The following NRXN1 variants were observed in gnomAD, a reference collection of about 807,000 sequenced individuals.
The protein encoded by NRXN1 is neurexin 1, also known as neurexin-1.
In NRXN1, 39 loss-of-function variants were observed where a neutral mutation model predicts 150.9. The ratio of observed to expected loss-of-function variants is 0.26; its 90% CI spans 0.20 to 0.34. The LOEUF (loss-of-function observed/expected upper bound fraction) is 0.34. NRXN1 is among the 10% of genes least tolerant of loss of function. NRXN1 has a pLI of 1.00. For synonymous variants in NRXN1, 924 were observed against 757.0 expected (o/e 1.22, Z -3.62); for missense variants, 1,815 against 1,949.9 (o/e 0.93, Z 1.30).
At chr2:50,094,620 C>T (rs1699983333) in intron 18 of NRXN1, among the ~76,000 whole-genome samples, 1 of 152,072 alleles carries the variant, frequency 6.6e-6, no homozygotes, top group African/African-American at 2.4e-5. Context: ...ATTGATGTAC[C>T]AGGAGCCACT....
chr2:50,160,667 G>C (rs577286830), intron 18 of NRXN1, among the ~76,000 whole-genome samples: 2 of 152,030 alleles, frequency 1.3e-5, no homozygotes, highest in Non-Finnish European at 2.9e-5. Flanking sequence ...CTCAAAAAAA[G>C]ACTCAAGTGG....
intron 5 of NRXN1, among the ~76,000 whole-genome samples, chr2:50,889,238 CCT>C (rs1680701945): frequency 6.6e-6 from 1 of 151,602 alleles, no homozygotes; most frequent in African/African-American, 2.4e-5. Flanking sequence ...TCAAATGTGC[CCT>C]CTTTCTTTCT....
chr2:50,415,228 T>A (rs965523682), intron 17 of NRXN1, among the ~76,000 whole-genome samples: 1 of 152,146 alleles, frequency 6.6e-6, no homozygotes, highest in Non-Finnish European at 1.5e-5. Flanking sequence ...GTAGTTCACA[T>A]TAAATACATT....
chr2:50,497,578 T>A lies in NRXN1; in HGVS notation c.2634A>T (p.Ala878=), dbSNP rs200543943. Reference sequence around the variant, plus strand: ...CGCCATTTTTACACAGGTCAATGTATGCCATTCCATTAAATGTCAAGCTCT... The same window carrying A: ...CGCCATTTTTACACAGGTCAATGTAAGCCATTCCATTAAATGTCAAGCTCT... ...HLQSLTFNGM[A]YIDLCKNGDI... Residue 878 remains alanine, a synonymous_variant, in exon 14 of 23, where the codon GCA becomes GCT. Transcript: ENST00000401669. 4 of 1,613,970 alleles carry A rather than the reference T, an allele frequency of 2.5e-6. No homozygotes were observed. The South Asian group carries it at 4.4e-5, about 18-fold the overall frequency.
intron 18 of NRXN1, among the ~76,000 whole-genome samples, chr2:50,221,403 G>A (rs893345487): frequency 2.6e-4 from 39 of 152,034 alleles, no homozygotes; most frequent in African/African-American, 9.2e-4. Context: ...GACAGCCACG[G>A]CATTAACAAA....
intron 15 of NRXN1, among the ~76,000 whole-genome samples, chr2:50,485,772 G>A (rs2090826773): frequency 6.6e-6 from 1 of 152,240 alleles, no homozygotes; most frequent in Non-Finnish European, 1.5e-5. Context: ...TAGCAGAAAA[G>A]CCTTGGATGA....
chr2:50,386,467 T>C (rs1558644443), intron 17 of NRXN1, among the ~76,000 whole-genome samples: 2 of 151,998 alleles, frequency 1.3e-5, no homozygotes, highest in Admixed American at 6.6e-5. Flanking sequence ...GAAGTAGGAA[T>C]TGAGCGGTTG....
Position 50,718,186 on chromosome 2 carries a change from T to A in NRXN1, c.833-94571A>T, listed in dbSNP as rs1015199539. Among the ~76,000 whole-genome samples, 6 of 152,170 alleles carry A rather than the reference T, an allele frequency of 3.9e-5. No individual in the cohort carries two copies. In the South Asian group the frequency reaches 1.2e-3, roughly 32 times the overall value. ...TTGAGCCATGGTTTCAGATAAAAAA[T>A]AGGTTCCTCTCTTTGGGACTTTTAT... is the stretch of plus-strand genomic sequence containing the variant. On this transcript the variant is annotated intron_variant, in intron 5 of 22. Coordinates refer to ENST00000401669, the MANE Select transcript of NRXN1 (RefSeq NM_001330078.2).
chr2:50,155,892 C>T (rs2058989159), intron 18 of NRXN1, among the ~76,000 whole-genome samples: 1 of 151,492 alleles, frequency 6.6e-6, no homozygotes, highest in Non-Finnish European at 1.5e-5. Context: ...AAAAAGTAGA[C>T]ATTTGTAAAT....
At chr2:50,638,297 A>G (rs1683531850) in intron 5 of NRXN1, among the ~76,000 whole-genome samples, 1 of 152,130 alleles carries the variant, frequency 6.6e-6, no homozygotes, top group African/African-American at 2.4e-5. Flanking sequence ...GTTAGTTCCA[A>G]TGACCAGTTT....
chr2:50,553,136 G>C, intron 8 of NRXN1, 111 bp from the exon 9 acceptor site: 1 of 774,202 alleles, frequency 1.3e-6, no homozygotes, highest in Non-Finnish European at 2.1e-6. Context: ...ACGATATTTA[G>C]TTAATTTTGT....
intron 17 of NRXN1, among the ~76,000 whole-genome samples, chr2:50,373,651 AAAGAAAGAAAGAAAG>A (rs2080227865): frequency 9.8e-6 from 1 of 101,672 alleles, no homozygotes; most frequent in African/African-American, 4.0e-5. Context: ...AGAAAGAAAG[AAAGAAAGAAAGAAAG>A]AAAGAAAGAA....
chr2:50,607,356 T>C (rs1291578770), intron 8 of NRXN1, among the ~76,000 whole-genome samples: 2 of 152,110 alleles, frequency 1.3e-5, no homozygotes, highest in African/African-American at 4.8e-5. Context: ...TGCTTCAGTT[T>C]AGAGAGGTGC....
chr2:50,338,039 T>C (rs1304222974), intron 17 of NRXN1, among the ~76,000 whole-genome samples: 2 of 152,216 alleles, frequency 1.3e-5, no homozygotes, highest in Non-Finnish European at 2.9e-5. Flanking sequence ...CAACAACTCC[T>C]CTATATCTCA....
intron 21 of NRXN1, among the ~76,000 whole-genome samples, chr2:49,995,641 C>T (rs1222280578): frequency 1.3e-5 from 2 of 151,324 alleles, no homozygotes; most frequent in Non-Finnish European, 1.5e-5. Context: ...ATGAGCCGGG[C>T]GTGGTGGCGG....
At chr2:50,977,762 T>G (rs1696095056) in intron 2 of NRXN1, among the ~76,000 whole-genome samples, 1 of 151,832 alleles carries the variant, frequency 6.6e-6, no homozygotes. Flanking sequence ...TAATGCTTCC[T>G]TAACTCACAT....
intron 4 of NRXN1, 73 bp downstream of exon 4, chr2:50,922,585 C>T: frequency 7.1e-7 from 1 of 1,402,096 alleles, no homozygotes; most frequent in Non-Finnish European, 1.0e-6. Context: ...CCATCCTTTG[C>T]AGTGATGGTT....
chr2:50,724,212 G>GA (rs34664620), intron 5 of NRXN1, among the ~76,000 whole-genome samples: 27,103 of 151,956 alleles, frequency 0.18, 2,801 homozygotes, highest in East Asian at 0.31. Flanking sequence ...ATCCAGAAAA[G>GA]AAAAAATGAG....
intron 17 of NRXN1, among the ~76,000 whole-genome samples, chr2:50,440,676 T>G (rs377191637): frequency 1.1e-3 from 172 of 152,248 alleles, no homozygotes; most frequent in African/African-American, 3.8e-3. Context: ...GTTGCATTGC[T>G]GCCTCTCTTT....
Sources: gnomAD v4.1 joint callset for allele counts (sites outside exome capture counted in the v4.1 genomes callset) on GRCh38, gnomAD v4.1.1 for gene constraint, MANE v1.5 for transcripts, NCBI Gene and HGNC (gene_info 2026-07-23, HGNC 2026-07-21) for gene names.